Variants in ZBTB7C observed in about 807,000 individuals in gnomAD.
The protein encoded by ZBTB7C is zinc finger and BTB domain containing 7C.
Under a neutral mutation model 25.7 loss-of-function variants are expected in ZBTB7C, and 8 were observed. The observed-to-expected ratio is 0.31, with a 90% CI of 0.18 to 0.56. The LOEUF (loss-of-function observed/expected upper bound fraction) is 0.56, where lower values mean the gene tolerates loss of function less well. Among genes scored for constraint, ZBTB7C ranks in the 20% least tolerant of loss-of-function variants. ZBTB7C has a pLI of 0.91. For missense variants in ZBTB7C, 824 were observed against 855.2 expected, an observed-to-expected ratio of 0.96 and a Z score of 0.46; for synonymous variants, 394 against 369.0, an observed-to-expected ratio of 1.07 and a Z score of -0.78.
chr18:48,136,907 G>C (rs1460266364), intron 3 of ZBTB7C: 1 of 938,950 alleles, frequency 1.1e-6, no homozygotes, highest in Non-Finnish European at 1.3e-6. Context: ...CGGCCGCCCG[G>C]AAGGGCTTCC....
At chr18:48,411,823 C>G (rs2048385352), upstream of ZBTB7C, among the ~76,000 whole-genome samples, 2 of 152,208 alleles carry the variant, frequency 1.3e-5, no homozygotes, top group South Asian at 4.1e-4. Flanking sequence ...AAAGTTTCTC[C>G]TCTCTTCTCT....
intron 3 of ZBTB7C, chr18:48,165,350 T>C: frequency 2.5e-6 from 1 of 393,854 alleles, no homozygotes; most frequent in South Asian, 1.9e-5. Context: ...ACAATGAGTG[T>C]CCAGTGATGA....
In ZBTB7C at chr18:48,036,734, C is replaced by T. The variant is rs111841018; in HGVS notation, c.1208+3166G>A. On this transcript the variant is annotated intron_variant, in intron 4 of 4. Transcript: ENST00000590800. ...AGGGAGTCTGGGAATTCTGCGTCAA[C>T]GAGGCAGCCGTCTCTGCTCTAAGTG... 1.8e-3 allele frequency among the ~76,000 whole-genome samples: 272 copies of T among 152,224 alleles called. 6 individuals are homozygous for T. Among genetic ancestry groups the T allele is most frequent in the African/African-American group, 6.2e-3 (259 of 41,522 alleles).
In ZBTB7C at chr18:48,040,409, C is replaced by T; in HGVS notation, c.699G>A (p.Glu233=). ...RDFSIESLLR[E]NLYPKANIPD... is the part of the protein sequence containing the mutation. The stretch of plus-strand genomic sequence containing the variant: ...GGATGTTGGCCTTGGGGTACAGGTT[C>T]TCCCTTAGCAGAGATTCGATGGAGA... Residue 233 remains glutamate, a synonymous_variant, in exon 4 of 5, where the codon GAG becomes GAA. Transcript: ENST00000590800. The T allele has an allele frequency of 6.2e-7, 1 of 1,611,538 alleles. No homozygotes were observed. The highest frequency in any genetic ancestry group is 1.1e-5 in the South Asian group (1 of 90,620).
At chr18:48,231,105 G>A (rs562027255) in intron 2 of ZBTB7C, among the ~76,000 whole-genome samples, 21 of 152,160 alleles carry the variant, frequency 1.4e-4, no homozygotes, top group African/African-American at 3.6e-4. Flanking sequence ...CAGCCTGGGC[G>A]CACTGGCACT....
chr18:48,097,435 C>T (rs962909733), intron 3 of ZBTB7C, among the ~76,000 whole-genome samples: 2 of 149,818 alleles, frequency 1.3e-5, no homozygotes, highest in African/African-American at 2.5e-5. Flanking sequence ...CTTGCTCTGT[C>T]GCCCAGGCTG....
At chr18:48,104,906 T>G (rs1598885671) in intron 3 of ZBTB7C, among the ~76,000 whole-genome samples, 1 of 151,992 alleles carries the variant, frequency 6.6e-6, no homozygotes, top group South Asian at 2.1e-4. Context: ...GGTGGCTGGG[T>G]GTGGGTCTTA....
At chr18:48,078,974 T>A (rs1372703617) in intron 3 of ZBTB7C, among the ~76,000 whole-genome samples, 2 of 152,238 alleles carry the variant, frequency 1.3e-5, no homozygotes, top group Non-Finnish European at 2.9e-5. Context: ...AGACATTCGG[T>A]TTAGTTTTGA....
chr18:48,232,265 T>C (rs1480832503), intron 2 of ZBTB7C, among the ~76,000 whole-genome samples: 1 of 152,226 alleles, frequency 6.6e-6, no homozygotes, highest in African/African-American at 2.4e-5. Context: ...CACTGATGAT[T>C]GATGCTAATC....
intron 2 of ZBTB7C, among the ~76,000 whole-genome samples, chr18:48,314,111 T>C (rs1376693241): frequency 6.6e-6 from 1 of 152,218 alleles, no homozygotes; most frequent in Non-Finnish European, 1.5e-5. Flanking sequence ...TTACCCTGTC[T>C]CAGGTATTCC....
At chr18:48,273,000 G>C (rs1273613687) in intron 2 of ZBTB7C, among the ~76,000 whole-genome samples, 1 of 152,206 alleles carries the variant, frequency 6.6e-6, no homozygotes, top group South Asian at 2.1e-4. Flanking sequence ...GCTGGGAAAA[G>C]CACGGAATGG....
At chr18:48,283,376 C>T (rs2044932910) in intron 2 of ZBTB7C, among the ~76,000 whole-genome samples, 1 of 151,822 alleles carries the variant, frequency 6.6e-6, no homozygotes, top group South Asian at 2.1e-4. Context: ...TGTTTTTTTC[C>T]AAATTCCCTG....
At chr18:48,142,695 A>G (rs2040384839) in intron 3 of ZBTB7C, among the ~76,000 whole-genome samples, 3 of 152,118 alleles carry the variant, frequency 2.0e-5, no homozygotes, top group African/African-American at 7.2e-5. Context: ...CATGGATCCC[A>G]GAGGAGGAGG....
At chr18:48,301,032 G>C (rs1218864248) in intron 2 of ZBTB7C, among the ~76,000 whole-genome samples, 1 of 152,242 alleles carries the variant, frequency 6.6e-6, no homozygotes, top group Non-Finnish European at 1.5e-5. Context: ...TGAGTTACTA[G>C]TTGTGAGTGA....
chr18:48,246,302 T>C (rs986622412), intron 2 of ZBTB7C, among the ~76,000 whole-genome samples: 3 of 151,672 alleles, frequency 2.0e-5, no homozygotes, highest in South Asian at 4.2e-4. Context: ...TGGTGGCGGG[T>C]GCCTGTAGTC....
At chr18:48,171,124 G>A (rs1314761636) in intron 3 of ZBTB7C, among the ~76,000 whole-genome samples, 1 of 152,228 alleles carries the variant, frequency 6.6e-6, no homozygotes, top group Non-Finnish European at 1.5e-5. Context: ...GAAGAAGATG[G>A]CACCAGGTCT....
At chr18:48,092,962 T>C (rs891254362) in intron 3 of ZBTB7C, among the ~76,000 whole-genome samples, 1 of 152,160 alleles carries the variant, frequency 6.6e-6, no homozygotes. Flanking sequence ...CACTAAACAC[T>C]GAGGATGGAG....
intron 2 of ZBTB7C, among the ~76,000 whole-genome samples, chr18:48,228,254 T>C (rs892381521): frequency 1.3e-5 from 2 of 152,170 alleles, no homozygotes; most frequent in African/African-American, 4.8e-5. Flanking sequence ...ACATTTCACC[T>C]GTGCGGGCCT....
At chr18:48,158,154 C>T (rs148592691) in intron 3 of ZBTB7C, among the ~76,000 whole-genome samples, 3 of 152,330 alleles carry the variant, frequency 2.0e-5, no homozygotes, top group African/African-American at 4.8e-5. Flanking sequence ...AGGTTACCAC[C>T]AGGGGCAAAC....
Sources: allele counts gnomAD v4.1 joint callset (sites outside exome capture counted in the v4.1 genomes callset), GRCh38; gene constraint gnomAD v4.1.1; transcripts MANE v1.5; gene names NCBI Gene and HGNC (gene_info 2026-07-23, HGNC 2026-07-21).